Variants in INSYN2B observed in about 807,000 individuals in gnomAD.
INSYN2B encodes the protein protein INSYN2B.
A neutral mutation model predicts 41.2 loss-of-function variants in INSYN2B; 16 were observed. The ratio of observed to expected loss-of-function variants is 0.39; its 90% CI spans 0.26 to 0.59. The LOEUF (loss-of-function observed/expected upper bound fraction) is 0.59. INSYN2B is among the 20% of genes least tolerant of loss of function. The pLI, the probability that INSYN2B is intolerant of heterozygous loss-of-function variation, is 0.57. For synonymous variants in INSYN2B, 245 were observed against 244.4 expected, an observed-to-expected ratio of 1.00 and a Z score of -0.02; for missense variants, 608 against 646.4, an observed-to-expected ratio of 0.94 and a Z score of 0.64.
At chr5:169,918,668 T>C (rs1457189442) in intron 1 of INSYN2B, among the ~76,000 whole-genome samples, 1 of 152,188 alleles carries the variant, frequency 6.6e-6, no homozygotes, top group African/African-American at 2.4e-5. Context: ...ATCCCAGCAC[T>C]TTGGGAGGCC....
chr5:169,915,053 T>C (rs1774801620), intron 1 of INSYN2B, among the ~76,000 whole-genome samples: 2 of 152,216 alleles, frequency 1.3e-5, no homozygotes, highest in South Asian at 4.1e-4. Context: ...CGACCAGCTG[T>C]CTTCACCCCA....
In INSYN2B at chr5:169,883,658, G is replaced by T. The variant is rs1173475139; in HGVS notation, c.241C>A (p.Leu81Ile). The change falls in exon 2 of 4, where the codon CTC becomes ATC. Residue 81 changes from leucine (L) to isoleucine (I), a missense_variant. Coordinates refer to ENST00000377365, the MANE Select transcript of INSYN2B (RefSeq NM_001129891.3). The stretch of plus-strand genomic sequence containing the variant: ...GCCTTCTGGGACCTGGGGAAGGAGA[G>T]CGAGTAGGTGGGGGGAAGATGGTGC... ...TRHHLPPTYS[L>I]SFPRSQKAGG... is the part of the protein sequence containing the mutation. 1 of 1,551,128 alleles carries T rather than the reference G, an allele frequency of 6.4e-7. No homozygotes were observed. Among genetic ancestry groups the T allele is most frequent in the Non-Finnish European group, 8.7e-7 (1 of 1,146,656 alleles).
chr5:169,904,724 C>T (rs138905257), intron 1 of INSYN2B, among the ~76,000 whole-genome samples: 124 of 152,286 alleles, frequency 8.1e-4, no homozygotes, highest in African/African-American at 2.9e-3. Flanking sequence ...CTCAGCTCAG[C>T]GAGCATTAAC....
intron 1 of INSYN2B, among the ~76,000 whole-genome samples, chr5:169,902,935 TAAAAATAC>T (rs1202107641): frequency 6.6e-6 from 1 of 151,964 alleles, no homozygotes; most frequent in Non-Finnish European, 1.5e-5. Flanking sequence ...CTGTCTCTAC[TAAAAATAC>T]AAAAATTAGC....
intron 1 of INSYN2B, among the ~76,000 whole-genome samples, chr5:169,938,601 G>A (rs549942586): frequency 6.6e-6 from 1 of 152,356 alleles, no homozygotes; most frequent in East Asian, 1.9e-4. Flanking sequence ...ATGGAGCTTG[G>A]AAGTTGCTCT....
At chr5:169,965,803 G>C (rs1266607499) in intron 1 of INSYN2B, among the ~76,000 whole-genome samples, 1 of 152,208 alleles carries the variant, frequency 6.6e-6, no homozygotes, top group Non-Finnish European at 1.5e-5. Context: ...GAGGCCTATA[G>C]AGGTTAAAAT....
chr5:169,942,209 G>A (rs1360020913), intron 1 of INSYN2B, among the ~76,000 whole-genome samples: 1 of 152,186 alleles, frequency 6.6e-6, no homozygotes, highest in African/African-American at 2.4e-5. Flanking sequence ...GGGTGATGGA[G>A]AAGGGAGTTT....
At chr5:169,944,542 CG>C (rs1776371405) in intron 1 of INSYN2B, among the ~76,000 whole-genome samples, 1 of 152,198 alleles carries the variant, frequency 6.6e-6, no homozygotes, top group South Asian at 2.1e-4. Flanking sequence ...GAAACTCCCC[CG>C]TCCTCAGTGG....
At chr5:169,904,973 C>T (rs565218497) in intron 1 of INSYN2B, among the ~76,000 whole-genome samples, 35 of 152,240 alleles carry the variant, frequency 2.3e-4, no homozygotes, top group Non-Finnish European at 4.0e-4. Flanking sequence ...GCTGTGTGAC[C>T]TTGACTAAGC....
At chr5:169,903,531 G>T (rs1290455847) in intron 1 of INSYN2B, among the ~76,000 whole-genome samples, 7 of 151,734 alleles carry the variant, frequency 4.6e-5, no homozygotes, top group African/African-American at 1.7e-4. Flanking sequence ...GCGGGGGCCG[G>T]GGGGCAGGGG....
At chr5:169,905,331 T>C (rs1179480403) in intron 1 of INSYN2B, among the ~76,000 whole-genome samples, 1 of 151,926 alleles carries the variant, frequency 6.6e-6, no homozygotes, top group Non-Finnish European at 1.5e-5. Flanking sequence ...AACTCTGTGT[T>C]AAATATCCCA....
chr5:169,921,999 A>C (rs1313344462), intron 1 of INSYN2B, among the ~76,000 whole-genome samples: 1 of 152,220 alleles, frequency 6.6e-6, no homozygotes, highest in Non-Finnish European at 1.5e-5. Context: ...TCCCATGTAC[A>C]TCCTGGTCCT....
At chr5:169,968,685 C>T (rs1354130931) in intron 1 of INSYN2B, among the ~76,000 whole-genome samples, 1 of 152,174 alleles carries the variant, frequency 6.6e-6, no homozygotes, top group Non-Finnish European at 1.5e-5. Context: ...TCAATTTTAT[C>T]ACAATTTTGA....
chr5:169,978,145 A>C (rs1777783415), intron 1 of INSYN2B, among the ~76,000 whole-genome samples: 1 of 152,104 alleles, frequency 6.6e-6, no homozygotes. Flanking sequence ...ACGTGTCACC[A>C]GCTGGTATCA....
chr5:169,873,999 G>A (rs905361475), intron 3 of INSYN2B, among the ~76,000 whole-genome samples: 2 of 152,222 alleles, frequency 1.3e-5, no homozygotes, highest in African/African-American at 4.8e-5. Context: ...TGCTAGGAAC[G>A]AGAATGCTGG....
At chr5:169,912,399 G>T (rs1287913653) in intron 1 of INSYN2B, among the ~76,000 whole-genome samples, 1 of 152,114 alleles carries the variant, frequency 6.6e-6, no homozygotes, top group Non-Finnish European at 1.5e-5. Context: ...TTTCAGGATT[G>T]TTGCTCTACT....
At chr5:169,962,201 T>C (rs1041559064) in intron 1 of INSYN2B, among the ~76,000 whole-genome samples, 2 of 151,836 alleles carry the variant, frequency 1.3e-5, no homozygotes, top group African/African-American at 2.4e-5. Flanking sequence ...GGGAGCAAGA[T>C]TGGAGGCAGA....
At position 169,882,593 on chromosome 5, in the gene INSYN2B, C is replaced by T. The variant is rs1440690590; in HGVS notation, c.1306G>A (p.Val436Ile). The T allele has an allele frequency of 5.8e-6, 9 of 1,550,800 alleles. No individual in the cohort carries two copies. The highest frequency in any genetic ancestry group is 7.9e-6 in the Non-Finnish European group (9 of 1,146,190). The change falls in exon 2 of 4, where the codon GTA becomes ATA. Residue 436 changes from valine to isoleucine, a missense_variant. Val to Ile is a conservative substitution (Grantham distance 29). Transcript: ENST00000377365. ...NQEKIKVLLN[V>I]IQDLEKARAL... ...CGAGCTTTCTCCAAGTCTTGAATTA[C>T]ATTCAAAAGGACTTTAATTTTCTCT...
intron 1 of INSYN2B, among the ~76,000 whole-genome samples, chr5:169,924,604 C>A (rs1211583736): frequency 6.6e-6 from 1 of 152,204 alleles, no homozygotes; most frequent in Non-Finnish European, 1.5e-5. Context: ...TTCAATCATG[C>A]TGAAGTTCAT....
Sources: allele counts gnomAD v4.1 joint callset (sites outside exome capture counted in the v4.1 genomes callset), GRCh38; gene constraint gnomAD v4.1.1; transcripts MANE v1.5; gene names NCBI Gene and HGNC (gene_info 2026-07-23, HGNC 2026-07-21).